The following GLIPR2 variants were observed in gnomAD, a reference collection of about 807,000 sequenced individuals.
The protein encoded by GLIPR2 is GLI pathogenesis related 2, also known as Golgi-associated plant pathogenesis-related protein 1.
In GLIPR2, 21 loss-of-function variants were observed where a neutral mutation model predicts 20.4. That is an observed-to-expected ratio of 1.03 (90% confidence interval 0.73 to 1.48). GLIPR2 has a LOEUF of 1.48. Ranked by LOEUF, GLIPR2 falls within the 40% of genes most tolerant of loss-of-function variation. The pLI, the probability that GLIPR2 is intolerant of heterozygous loss-of-function variation, is 0.00. For synonymous variants in GLIPR2, 91 were observed against 80.5 expected (o/e 1.13, Z -0.70); for missense variants, 205 against 200.1 (o/e 1.02, Z -0.15).
intron 1 of GLIPR2, among the ~76,000 whole-genome samples, chr9:36,142,196 T>G (rs1169205887): frequency 1.3e-5 from 2 of 152,146 alleles, no homozygotes; most frequent in Non-Finnish European, 2.9e-5. Context: ...TGAAGTCAGC[T>G]GCCACCCCTG....
At chr9:36,154,960 G>A (rs1017354274) in intron 4 of GLIPR2, among the ~76,000 whole-genome samples, 5 of 152,224 alleles carry the variant, frequency 3.3e-5, no homozygotes, top group Non-Finnish European at 7.3e-5. Flanking sequence ...GAAAGGACTT[G>A]AGCCTTTGGA....
rs1191686171 is a variant in GLIPR2 at position 36,163,849 on chromosome 9, C to G, written c.*1327C>G. The G allele has an allele frequency of 6.5e-6, 1 of 152,692 alleles. No individual in the cohort carries two copies. Among genetic ancestry groups the G allele is most frequent in the East Asian group, 1.9e-4 (1 of 5,200 alleles). The allele number at this position is 152,692 out of a possible 1,614,324, so 9.5% of individuals were successfully genotyped here. On this transcript the variant is annotated 3_prime_UTR_variant, in exon 5 of 5. Coordinates refer to ENST00000377960, the MANE Select transcript of GLIPR2 (RefSeq NM_022343.4). ...CACTGTCACCAGTCTCAAGCTATGC[C>G]TCTAATTTCACCAGGGATATTGACT...
intron 4 of GLIPR2, 169 bp downstream of exon 4, chr9:36,151,118 C>G (rs780011824): frequency 4.9e-6 from 3 of 609,974 alleles, no homozygotes; most frequent in Non-Finnish European, 8.9e-6. Flanking sequence ...CTCTCCTTTC[C>G]GCATTACATC....
chr9:36,142,730 A>G (rs1825143142), intron 1 of GLIPR2, among the ~76,000 whole-genome samples: 1 of 151,474 alleles, frequency 6.6e-6, no homozygotes, highest in Non-Finnish European at 1.5e-5. Context: ...CTTTATCTGT[A>G]TTCTTGGGTT....
At position 36,148,605 on chromosome 9, in the gene GLIPR2, G is replaced by C; in HGVS notation, c.181G>C (p.Gly61Arg). Residue 61 changes from glycine (G) to arginine (R), a missense_variant, in exon 3 of 5, where the codon GGC becomes CGC. By Grantham distance (125) the Gly-to-Arg change is moderately radical (BLOSUM62 -2). Transcript: ENST00000377960. ...CAAGCACAGCCCGGAGTCCAGCCGT[G>C]GCCAGTGTGGGGAGAACCTTGCATG... ...ILKHSPESSR[G>R]QCGENLAWAS... 2 of 1,614,096 alleles carry C rather than the reference G, an allele frequency of 1.2e-6. No homozygotes were observed. The highest frequency in any genetic ancestry group is 1.7e-6 in the Non-Finnish European group (2 of 1,179,950).
intron 4 of GLIPR2, among the ~76,000 whole-genome samples, chr9:36,158,124 C>G (rs1025044505): frequency 6.6e-6 from 1 of 152,144 alleles, no homozygotes; most frequent in African/African-American, 2.4e-5. Flanking sequence ...GGCTATGTGA[C>G]TTTGGGCCAA....
intron 4 of GLIPR2, among the ~76,000 whole-genome samples, chr9:36,159,073 A>G (rs572697622): frequency 1.3e-5 from 2 of 152,352 alleles, no homozygotes; most frequent in African/African-American, 4.8e-5. Flanking sequence ...TCAAAAAAAA[A>G]AGAATTTATG....
intron 1 of GLIPR2, among the ~76,000 whole-genome samples, chr9:36,141,095 G>T (rs906706230): frequency 2.6e-5 from 4 of 152,198 alleles, no homozygotes; most frequent in African/African-American, 9.7e-5. Flanking sequence ...ATTACAGTTG[G>T]CATTTAATAC....
At chr9:36,149,952 T>C (rs1211712825) in intron 3 of GLIPR2, among the ~76,000 whole-genome samples, 3 of 152,134 alleles carry the variant, frequency 2.0e-5, no homozygotes, top group Admixed American at 2.0e-4. Flanking sequence ...CGCTTGAACC[T>C]GGGAGGTGGA....
intron 3 of GLIPR2, among the ~76,000 whole-genome samples, chr9:36,150,665 C>A (rs561936913): frequency 1.3e-5 from 2 of 152,314 alleles, no homozygotes; most frequent in African/African-American, 4.8e-5. Flanking sequence ...CCCAGCCCCC[C>A]AGAAGGCCCA....
At chr9:36,157,941 T>A (rs184361675) in intron 4 of GLIPR2, among the ~76,000 whole-genome samples, 40 of 152,098 alleles carry the variant, frequency 2.6e-4, no homozygotes, top group African/African-American at 9.6e-4. Context: ...GCCTCCCCAG[T>A]AGCTAGGATT....
chr9:36,148,495 T>TG (rs1207512875), intron 2 of GLIPR2, 52 bp from the exon 3 acceptor site: 5 of 1,353,798 alleles, frequency 3.7e-6, no homozygotes, highest in Non-Finnish European at 5.3e-6. Flanking sequence ...GCACATACTT[T>TG]GGGGGTTCCC....
At chr9:36,150,591 C>A (rs1240739942) in intron 3 of GLIPR2, among the ~76,000 whole-genome samples, 1 of 152,212 alleles carries the variant, frequency 6.6e-6, no homozygotes, top group East Asian at 1.9e-4. Context: ...GATTACACAG[C>A]AAGTCAGTGT....
intron 4 of GLIPR2, among the ~76,000 whole-genome samples, chr9:36,153,562 A>G (rs1185996590): frequency 6.6e-6 from 1 of 152,044 alleles, no homozygotes; most frequent in Non-Finnish European, 1.5e-5. Context: ...ATCTCTGTTC[A>G]TGGATTCCCT....
In GLIPR2 at chr9:36,162,616, G is replaced by T; in HGVS notation, c.*94G>T. The T allele has an allele frequency of 8.0e-7, 1 of 1,256,434 alleles. No individual in the cohort carries two copies. The highest frequency in any genetic ancestry group is 1.1e-6 in the Non-Finnish European group (1 of 886,654). 77.8% of individuals were successfully genotyped at this position (1,256,434 alleles called of 1,614,324 possible). The stretch of plus-strand genomic sequence containing the variant: ...CCTGGCTGTGCGTCTGTCCCTGTGG[G>T]TGTATGTGCTTGTGTGTGTGATGCA... On this transcript the variant is annotated 3_prime_UTR_variant, in exon 5 of 5. Coordinates refer to ENST00000377960, the MANE Select transcript of GLIPR2 (RefSeq NM_022343.4).
intron 2 of GLIPR2, 67 bp from the exon 3 acceptor site, chr9:36,148,480 T>C: frequency 1.7e-6 from 2 of 1,155,372 alleles, no homozygotes; most frequent in Non-Finnish European, 2.6e-6. Context: ...CCACACTAGC[T>C]TGGGGCACAT....
intron 1 of GLIPR2, among the ~76,000 whole-genome samples, chr9:36,139,541 G>C (rs1319765298): frequency 6.6e-6 from 1 of 152,174 alleles, no homozygotes; most frequent in African/African-American, 2.4e-5. Flanking sequence ...CAGGCCGTCA[G>C]CCCAGGGCTG....
intron 4 of GLIPR2, among the ~76,000 whole-genome samples, chr9:36,157,713 C>CACACAT (rs377564402): frequency 5.6e-5 from 6 of 106,690 alleles, no homozygotes; most frequent in African/African-American, 1.3e-4. Flanking sequence ...CACACACACA[C>CACACAT]ATATATATAT....
At chr9:36,141,977 G>A in intron 1 of GLIPR2, 1 of 419,372 alleles carries the variant, frequency 2.4e-6, no homozygotes, top group Non-Finnish European at 4.6e-6. Context: ...CTCAGCCCTG[G>A]GGAGCCAGGC....
Sources: gnomAD v4.1 joint callset for allele counts (sites outside exome capture counted in the v4.1 genomes callset) on GRCh38, gnomAD v4.1.1 for gene constraint, MANE v1.5 for transcripts, NCBI Gene and HGNC (gene_info 2026-07-23, HGNC 2026-07-21) for gene names.